The following NELL1 variants were observed in gnomAD, a reference collection of about 807,000 sequenced individuals.
NELL1 encodes the protein neural EGFL like 1.
NELL1 carries 76 observed loss-of-function variants against 107.4 expected under a neutral mutation model. The ratio of observed to expected loss-of-function variants is 0.71; its 90% CI spans 0.59 to 0.86. The LOEUF is 0.86. Ranked by LOEUF, NELL1 falls within the 40% of genes least tolerant of loss-of-function variation. The pLI is 0.00. For missense variants in NELL1, 1,024 were observed against 1,005.5 expected, an observed-to-expected ratio of 1.02 and a Z score of -0.25; for synonymous variants, 353 against 341.2, an observed-to-expected ratio of 1.03 and a Z score of -0.38.
chr11:20,915,719 T>TATATA (rs1332292027), intron 5 of NELL1, among the ~76,000 whole-genome samples: 7 of 24,316 alleles, frequency 2.9e-4, no homozygotes, highest in East Asian at 1.7e-3. Context: ...ATATATATAT[T>TATATA]TTTTTTTTTT....
intron 15 of NELL1, among the ~76,000 whole-genome samples, chr11:21,509,636 T>G (rs1311391518): frequency 6.6e-6 from 1 of 152,188 alleles, no homozygotes; most frequent in Non-Finnish European, 1.5e-5. Flanking sequence ...ACACTATATG[T>G]TATTTAGGGA....
At chr11:21,521,040 T>C (rs1855713396) in intron 15 of NELL1, among the ~76,000 whole-genome samples, 1 of 152,232 alleles carries the variant, frequency 6.6e-6, no homozygotes. Flanking sequence ...GGACCAGATG[T>C]AGGGTAAAAA....
At chr11:21,548,183 G>A (rs569273895) in intron 16 of NELL1, among the ~76,000 whole-genome samples, 104 of 151,872 alleles carry the variant, frequency 6.8e-4, no homozygotes, top group African/African-American at 2.5e-3. Flanking sequence ...GGCATTATGG[G>A]GTAAATGGCA....
At chr11:20,970,014 G>T (rs1291822844) in intron 12 of NELL1, among the ~76,000 whole-genome samples, 1 of 140,014 alleles carries the variant, frequency 7.1e-6, no homozygotes, top group Admixed American at 7.6e-5. Flanking sequence ...CAGGTCTTTA[G>T]ATCTTCATGG....
intron 16 of NELL1, among the ~76,000 whole-genome samples, chr11:21,550,643 A>G (rs1390065215): frequency 6.6e-6 from 1 of 152,034 alleles, no homozygotes; most frequent in Non-Finnish European, 1.5e-5. Context: ...CAAAGATCAG[A>G]TAGTTGTAGA....
At chr11:21,103,763 A>G (rs1003626084) in intron 12 of NELL1, among the ~76,000 whole-genome samples, 4 of 152,208 alleles carry the variant, frequency 2.6e-5, no homozygotes, top group Admixed American at 6.5e-5. Context: ...AAGACCATCA[A>G]TGTTTTATGA....
At chr11:21,175,382 T>C (rs563643852) in intron 13 of NELL1, among the ~76,000 whole-genome samples, 6 of 151,894 alleles carry the variant, frequency 4.0e-5, no homozygotes. Flanking sequence ...TTATTGTGAA[T>C]GCACATATGT....
intron 3 of NELL1, among the ~76,000 whole-genome samples, chr11:20,800,800 A>G (rs1227330599): frequency 3.9e-5 from 6 of 152,208 alleles, no homozygotes; most frequent in Non-Finnish European, 7.3e-5. Flanking sequence ...CAGGAACTGC[A>G]AAGAGATGGG....
At chr11:21,019,568 T>C (rs962654060) in intron 12 of NELL1, among the ~76,000 whole-genome samples, 2 of 151,986 alleles carry the variant, frequency 1.3e-5, no homozygotes, top group African/African-American at 4.8e-5. Flanking sequence ...TCTGAAGACA[T>C]TTTTTCCTGT....
At chr11:21,505,613 T>C (rs1378102733) in intron 15 of NELL1, among the ~76,000 whole-genome samples, 1 of 152,188 alleles carries the variant, frequency 6.6e-6, no homozygotes, top group African/African-American at 2.4e-5. Context: ...GCATGTGATA[T>C]TTCCTATACC....
chr11:21,267,162 A>G (rs958559681), intron 14 of NELL1, among the ~76,000 whole-genome samples: 1 of 152,144 alleles, frequency 6.6e-6, no homozygotes, highest in Non-Finnish European at 1.5e-5. Flanking sequence ...CTACATCCTC[A>G]TGGTATAGAA....
rs188524394 is a variant in NELL1 at position 20,700,508 on chromosome 11, A to G, written c.184+22448A>G. Among the ~76,000 whole-genome samples the G allele has an allele frequency of 1.5e-4, 23 of 151,868 alleles. No individual in the cohort carries two copies. In the East Asian group the frequency reaches 3.7e-3, roughly 24 times the overall value. Reference sequence around the variant, plus strand: ...AAGACAAAGAAAAAAAAATATATATATTTCAATAAAATTTTTTTTATTATA... The same window carrying G: ...AAGACAAAGAAAAAAAAATATATATGTTTCAATAAAATTTTTTTTATTATA... On this transcript the variant is annotated intron_variant, in intron 2 of 19. Coordinates refer to ENST00000357134, the MANE Select transcript of NELL1 (RefSeq NM_006157.5).
chr11:21,225,125 A>G (rs1272687049), intron 13 of NELL1, among the ~76,000 whole-genome samples: 1 of 152,090 alleles, frequency 6.6e-6, no homozygotes, highest in Non-Finnish European at 1.5e-5. Flanking sequence ...TTCTGGGTGT[A>G]TGTGGTGGGA....
chr11:21,210,242 G>A (rs1479374271), intron 13 of NELL1, among the ~76,000 whole-genome samples: 1 of 152,082 alleles, frequency 6.6e-6, no homozygotes, highest in African/African-American at 2.4e-5. Flanking sequence ...CTTCTCTTGA[G>A]TGTATACCTA....
chr11:20,904,720 C>T (rs192256874), intron 5 of NELL1, among the ~76,000 whole-genome samples: 13 of 152,140 alleles, frequency 8.5e-5, no homozygotes, highest in South Asian at 2.1e-4. Flanking sequence ...GGTCCCAGCA[C>T]GGAGAAAATC....
At chr11:20,787,950 A>G (rs1478680433) in intron 3 of NELL1, among the ~76,000 whole-genome samples, 2 of 152,220 alleles carry the variant, frequency 1.3e-5, no homozygotes, top group African/African-American at 4.8e-5. Context: ...TATAAGTGAA[A>G]TCATACACTG....
At chr11:21,533,196 A>T (rs1389533566) in intron 15 of NELL1, among the ~76,000 whole-genome samples, 2 of 152,162 alleles carry the variant, frequency 1.3e-5, no homozygotes, top group Non-Finnish European at 2.9e-5. Context: ...TTACTTGGCC[A>T]GAATGCCTTG....
chr11:21,360,481 G>GCTCTGTAAA (rs1423172032), intron 14 of NELL1, among the ~76,000 whole-genome samples: 5 of 152,090 alleles, frequency 3.3e-5, no homozygotes, highest in African/African-American at 1.2e-4. Flanking sequence ...TGGGTAGAAT[G>GCTCTGTAAA]CTCTGTAAAT....
chr11:21,323,977 C>G (rs1028474310), intron 14 of NELL1, among the ~76,000 whole-genome samples: 2 of 152,136 alleles, frequency 1.3e-5, no homozygotes, highest in Non-Finnish European at 2.9e-5. Context: ...GCAACTTGCT[C>G]TTACCTCACT....
Sources: gnomAD v4.1 joint callset for allele counts (sites outside exome capture counted in the v4.1 genomes callset) on GRCh38, gnomAD v4.1.1 for gene constraint, MANE v1.5 for transcripts, NCBI Gene and HGNC (gene_info 2026-07-23, HGNC 2026-07-21) for gene names.